Variants in RAB38 observed in about 807,000 individuals in gnomAD.
The protein encoded by RAB38 is RAB38, member RAS oncogene family.
Under a neutral mutation model 18.4 loss-of-function variants are expected in RAB38, and 15 were observed. That is an observed-to-expected ratio of 0.82 (90% CI 0.55 to 1.26). The LOEUF (loss-of-function observed/expected upper bound fraction) is 1.26, where lower values mean the gene tolerates loss of function less well. Ranked by LOEUF, RAB38 falls within the 50% of genes most tolerant of loss-of-function variation. The probability of loss-of-function intolerance (pLI) is 0.00; values close to 1 mark genes in which losing one functional copy is unlikely to be tolerated. For synonymous variants in RAB38, 101 were observed against 104.4 expected (o/e 0.97, Z 0.20); for missense variants, 294 against 267.4 (o/e 1.10, Z -0.69).
At chr11:87,940,822 G>A in the RAB38 span, among the ~76,000 whole-genome samples, 2 of 151,838 alleles carry the variant, frequency 1.3e-5, no homozygotes, top group Non-Finnish European at 2.9e-5. Context: ...TAGTAGAGGC[G>A]AGATTTCACC....
chr11:88,046,035 C>T, the RAB38 span, among the ~76,000 whole-genome samples: 1 of 152,088 alleles, frequency 6.6e-6, no homozygotes, highest in Non-Finnish European at 1.5e-5. Flanking sequence ...CAGTTCAAAG[C>T]CTCCTTTACA....
At chr11:87,925,013 T>G in the RAB38 span, among the ~76,000 whole-genome samples, 3 of 151,644 alleles carry the variant, frequency 2.0e-5, no homozygotes, top group Admixed American at 1.3e-4. Context: ...ACGAGGGAGG[T>G]TGGTGTGCTC....
At chr11:87,858,077 C>A in the RAB38 span, among the ~76,000 whole-genome samples, 1 of 152,160 alleles carries the variant, frequency 6.6e-6, no homozygotes, top group African/African-American at 2.4e-5. Flanking sequence ...CAGCTTTCTA[C>A]ATATGGCTAG....
chr11:87,905,942 T>G, the RAB38 span, among the ~76,000 whole-genome samples: 18 of 152,108 alleles, frequency 1.2e-4, no homozygotes, highest in South Asian at 8.3e-4. Flanking sequence ...CTTTGATTTC[T>G]GTCTCTTCAG....
At chr11:87,835,952 T>C in the RAB38 span, among the ~76,000 whole-genome samples, 5 of 152,216 alleles carry the variant, frequency 3.3e-5, no homozygotes, top group Non-Finnish European at 5.9e-5. Context: ...AGGACATCTT[T>C]TCTTCTCAGC....
the RAB38 span, among the ~76,000 whole-genome samples, chr11:87,869,672 T>C: frequency 1.3e-5 from 2 of 151,696 alleles, no homozygotes; most frequent in Non-Finnish European, 3.0e-5. Context: ...TTAGGGTTCT[T>C]TCAAGAGTAT....
At chr11:88,174,755 C>G (rs957330948) in intron 1 of RAB38, among the ~76,000 whole-genome samples, 1 of 152,120 alleles carries the variant, frequency 6.6e-6, no homozygotes, top group Admixed American at 6.5e-5. Flanking sequence ...TAGCCTGGAA[C>G]TATCCCGGTT....
At chr11:87,819,280 G>C in the RAB38 span, among the ~76,000 whole-genome samples, 1 of 152,156 alleles carries the variant, frequency 6.6e-6, no homozygotes, top group Non-Finnish European at 1.5e-5. Context: ...TGTGGAGAGA[G>C]TTTTTACTTG....
At chr11:87,833,690 A>T in the RAB38 span, among the ~76,000 whole-genome samples, 1 of 152,220 alleles carries the variant, frequency 6.6e-6, no homozygotes, top group Non-Finnish European at 1.5e-5. Context: ...GTTGTTAAAT[A>T]ACTTGTCCTA....
At chr11:88,006,597 AT>A in the RAB38 span, among the ~76,000 whole-genome samples, 32 of 140,400 alleles carry the variant, frequency 2.3e-4, no homozygotes, top group Middle Eastern at 3.6e-3. Flanking sequence ...TGTATATAAT[AT>A]ATATACACAT....
the RAB38 span, among the ~76,000 whole-genome samples, chr11:87,837,696 G>C: frequency 2.6e-5 from 4 of 152,126 alleles, no homozygotes; most frequent in Admixed American, 2.0e-4. Flanking sequence ...CTATGTAACT[G>C]ATCTATGTAA....
chr11:87,961,190 G>A, the RAB38 span, among the ~76,000 whole-genome samples: 2 of 152,272 alleles, frequency 1.3e-5, no homozygotes, highest in Middle Eastern at 6.8e-3. Context: ...GGCTGAAGCA[G>A]TTGTGGAGAA....
the RAB38 span, among the ~76,000 whole-genome samples, chr11:88,078,023 A>G: frequency 6.6e-6 from 1 of 152,122 alleles, no homozygotes; most frequent in Non-Finnish European, 1.5e-5. Flanking sequence ...ATATGAATAT[A>G]CATTACTCAA....
the RAB38 span, among the ~76,000 whole-genome samples, chr11:88,005,613 A>T: frequency 6.8e-6 from 1 of 147,992 alleles, no homozygotes. Context: ...ATATGATACC[A>T]TTTGTCTGTA....
the RAB38 span, among the ~76,000 whole-genome samples, chr11:87,937,237 A>C: frequency 6.8e-6 from 1 of 146,950 alleles, no homozygotes; most frequent in Non-Finnish European, 1.5e-5. Flanking sequence ...TAGCTTATTA[A>C]TATGGTAATT....
At chr11:88,060,025 T>C in the RAB38 span, among the ~76,000 whole-genome samples, 4 of 152,190 alleles carry the variant, frequency 2.6e-5, no homozygotes, top group Admixed American at 2.6e-4. Flanking sequence ...CTGACTGAGC[T>C]CAGGAAGCAA....
the RAB38 span, among the ~76,000 whole-genome samples, chr11:88,055,232 A>G: frequency 2.2e-4 from 34 of 152,354 alleles, 1 homozygote; most frequent in African/African-American, 7.7e-4. Flanking sequence ...CAGGCAACAT[A>G]GTGAGATGCC....
At chr11:87,824,540 G>A in the RAB38 span, among the ~76,000 whole-genome samples, 32 of 152,170 alleles carry the variant, frequency 2.1e-4, 2 homozygotes, top group South Asian at 6.4e-3. Flanking sequence ...TTGACAGTTC[G>A]GAGACAGAAG....
chr11:88,030,703 C>A, the RAB38 span, among the ~76,000 whole-genome samples: 34 of 152,112 alleles, frequency 2.2e-4, no homozygotes, highest in Admixed American at 2.2e-3. Context: ...CTGAATAGAC[C>A]AATAACAGGA....
Sources: gnomAD v4.1 joint callset for allele counts (sites outside exome capture counted in the v4.1 genomes callset) on GRCh38, gnomAD v4.1.1 for gene constraint, MANE v1.5 for transcripts, NCBI Gene and HGNC (gene_info 2026-07-23, HGNC 2026-07-21) for gene names.